The following ZNF423 variants were observed in gnomAD, a reference collection of about 807,000 sequenced individuals.
The protein encoded by ZNF423 is Ebf-associated zinc finger protein.
A neutral mutation model predicts 95.8 loss-of-function variants in ZNF423; 12 were observed. The observed-to-expected ratio is 0.13, with a 90% CI of 0.08 to 0.20. ZNF423 has a LOEUF of 0.20. Among genes scored for constraint, ZNF423 ranks in the 10% least tolerant of loss-of-function variants. The pLI is 1.00. For missense variants in ZNF423, 1,316 were observed against 1,737.1 expected (o/e 0.76, Z 4.31); for synonymous variants, 749 against 711.9 (o/e 1.05, Z -0.83).
intron 3 of ZNF423, among the ~76,000 whole-genome samples, chr16:49,661,952 C>T (rs1308953126): frequency 2.0e-5 from 3 of 152,284 alleles, no homozygotes; most frequent in Non-Finnish European, 2.9e-5. Context: ...GATCAGATAC[C>T]GCAGGTTAAG....
intron 4 of ZNF423, among the ~76,000 whole-genome samples, chr16:49,634,411 C>T (rs2151878597): frequency 6.6e-6 from 1 of 152,206 alleles, no homozygotes; most frequent in East Asian, 1.9e-4. Flanking sequence ...GTCCCCTGGC[C>T]CTCTTGGCTC....
chr16:49,779,700 C>T (rs1324913117), intron 2 of ZNF423, among the ~76,000 whole-genome samples: 1 of 152,130 alleles, frequency 6.6e-6, no homozygotes, highest in African/African-American at 2.4e-5. Flanking sequence ...TTCAAGTCGC[C>T]AAAGAACTAT....
Position 49,522,105 on chromosome 16 carries a change from T to C in ZNF423, c.3849+1519A>G, listed in dbSNP as rs957412923. Among the ~76,000 whole-genome samples, 4 of 152,158 alleles carry C rather than the reference T, an allele frequency of 2.6e-5. No homozygotes were observed. The East Asian group carries it at 7.7e-4, about 29-fold the overall frequency. On this transcript the variant is annotated intron_variant, in intron 7 of 7. Coordinates refer to ENST00000563137, the MANE Select transcript of ZNF423 (RefSeq NM_001379286.1). ...CCTTGTAACCTGGGTATGTGGGAGATTGCTGCATGCAGGTGCAGCAGTGGC... is the reference window on the plus strand; with the variant it reads ...CCTTGTAACCTGGGTATGTGGGAGACTGCTGCATGCAGGTGCAGCAGTGGC...
At chr16:49,723,221 T>C (rs1192904329) in intron 3 of ZNF423, among the ~76,000 whole-genome samples, 1 of 152,184 alleles carries the variant, frequency 6.6e-6, no homozygotes, top group Non-Finnish European at 1.5e-5. Flanking sequence ...TCCCAATAAA[T>C]ATTTTTTAAA....
intron 3 of ZNF423, among the ~76,000 whole-genome samples, chr16:49,722,914 G>T (rs1231750078): frequency 3.3e-5 from 5 of 150,224 alleles, no homozygotes; most frequent in African/African-American, 1.2e-4. Flanking sequence ...TTTCCTTATG[G>T]TTTAAATTTG....
chr16:49,700,638 C>T (rs950255149), intron 3 of ZNF423, among the ~76,000 whole-genome samples: 1 of 152,232 alleles, frequency 6.6e-6, no homozygotes, highest in Admixed American at 6.5e-5. Flanking sequence ...CGCCAGCGCC[C>T]TGGCACCAAA....
At chr16:49,824,860 G>A (rs747676738) in intron 1 of ZNF423, among the ~76,000 whole-genome samples, 2 of 152,142 alleles carry the variant, frequency 1.3e-5, no homozygotes, top group Admixed American at 6.5e-5. Context: ...AATCCAATGG[G>A]CGGGCACCTC....
chr16:49,802,334 G>A (rs1312649576), intron 1 of ZNF423, among the ~76,000 whole-genome samples: 2 of 152,154 alleles, frequency 1.3e-5, no homozygotes, highest in Admixed American at 6.5e-5. Flanking sequence ...CTAAGAAGAG[G>A]AGAGTTCATC....
At chr16:49,783,841 G>T (rs1004610970) in intron 2 of ZNF423, among the ~76,000 whole-genome samples, 1 of 151,796 alleles carries the variant, frequency 6.6e-6, no homozygotes, top group African/African-American at 2.4e-5. Context: ...GTGATGGCAC[G>T]TGCCTGTAGT....
At chr16:49,721,911 T>A (rs2032876954) in intron 3 of ZNF423, among the ~76,000 whole-genome samples, 1 of 152,194 alleles carries the variant, frequency 6.6e-6, no homozygotes, top group African/African-American at 2.4e-5. Context: ...ATTGTTAATT[T>A]GTCATCCAAT....
intron 3 of ZNF423, among the ~76,000 whole-genome samples, chr16:49,641,791 C>G (rs912502160): frequency 6.6e-6 from 1 of 152,264 alleles, no homozygotes; most frequent in South Asian, 2.1e-4. Flanking sequence ...CATGAGATGT[C>G]CAGAATAAGG....
chr16:49,721,627 G>C (rs1394398313), intron 3 of ZNF423, among the ~76,000 whole-genome samples: 2 of 152,110 alleles, frequency 1.3e-5, no homozygotes, highest in African/African-American at 4.8e-5. Flanking sequence ...GCTTTGTACA[G>C]CAGCAACACC....
intron 5 of ZNF423, among the ~76,000 whole-genome samples, chr16:49,598,055 G>A (rs928773826): frequency 2.0e-5 from 3 of 152,168 alleles, no homozygotes; most frequent in African/African-American, 7.2e-5. Context: ...CATGGGGAGA[G>A]CTTGTCAATC....
chr16:49,664,020 A>T, intron 3 of ZNF423: 3 of 970,196 alleles, frequency 3.1e-6, no homozygotes, highest in Non-Finnish European at 3.7e-6. Flanking sequence ...TGCAGACACC[A>T]GCCTGTTTTA....
intron 2 of ZNF423, among the ~76,000 whole-genome samples, chr16:49,734,910 A>G (rs1191587325): frequency 6.6e-6 from 1 of 152,150 alleles, no homozygotes; most frequent in Non-Finnish European, 1.5e-5. Context: ...TCCCCATTTT[A>G]CAGGTGAGGA....
At chr16:49,677,322 G>GGAAGA (rs2031140011) in intron 3 of ZNF423, among the ~76,000 whole-genome samples, 1 of 24,630 alleles carries the variant, frequency 4.1e-5, no homozygotes, top group Non-Finnish European at 8.1e-5. Context: ...GGAGGGGAAG[G>GGAAGA]GAGGGGAGGG....
intron 3 of ZNF423, among the ~76,000 whole-genome samples, chr16:49,706,097 G>A (rs1325280908): frequency 6.6e-6 from 1 of 152,120 alleles, no homozygotes; most frequent in Middle Eastern, 3.2e-3. Flanking sequence ...CAAAGGCAAG[G>A]GTGAGGTGGG....
Position 49,711,400 on chromosome 16 carries a change from A to T in ZNF423, c.301+19371T>A, listed in dbSNP as rs562652929. 9 of 152,350 alleles carry T rather than the reference A, an allele frequency of 5.9e-5. No homozygotes were observed. In the East Asian group the frequency reaches 1.7e-3, roughly 29 times the overall value. The allele number at this position is 152,350 out of a possible 1,614,324, so 9.4% of individuals were successfully genotyped here. A position where few individuals can be genotyped will look rare whatever the true frequency, so the allele number is the denominator to read the frequency against. Reference sequence around the variant, plus strand: ...GTAGGGAGATGTACCCGCTGAGGTGAGAAGCTCTCTGAGGTCTAATACTAA... The same window carrying T: ...GTAGGGAGATGTACCCGCTGAGGTGTGAAGCTCTCTGAGGTCTAATACTAA... On this transcript the variant is annotated intron_variant, in intron 3 of 7. Transcript: ENST00000563137.
chr16:49,699,114 C>A (rs2032080535), intron 3 of ZNF423, among the ~76,000 whole-genome samples: 1 of 152,154 alleles, frequency 6.6e-6, no homozygotes, highest in Admixed American at 6.5e-5. Flanking sequence ...GCCAAGGAGC[C>A]GACAGGCACT....
Sources: allele counts gnomAD v4.1 joint callset (sites outside exome capture counted in the v4.1 genomes callset), GRCh38; gene constraint gnomAD v4.1.1; transcripts MANE v1.5; gene names NCBI Gene and HGNC (gene_info 2026-07-23, HGNC 2026-07-21).